TNIK: variants seen among roughly 807,000 people sequenced by gnomAD.
The protein encoded by TNIK is TRAF2 and NCK-interacting protein kinase.
In TNIK, 49 loss-of-function variants were observed where a neutral mutation model predicts 191.3. The observed-to-expected ratio is 0.26, with a 90% confidence interval of 0.20 to 0.32. TNIK has a LOEUF of 0.32. Among genes scored for constraint, TNIK ranks in the 10% least tolerant of loss-of-function variants. The probability of loss-of-function intolerance (pLI) is 1.00; values close to 1 mark genes in which losing one functional copy is unlikely to be tolerated. For missense variants in TNIK, 1,155 were observed against 1,702.3 expected (o/e 0.68, Z 5.66); for synonymous variants, 594 against 600.9 (o/e 0.99, Z 0.17).
At chr3:171,256,336 A>C (rs1484069056) in intron 2 of TNIK, among the ~76,000 whole-genome samples, 1 of 152,210 alleles carries the variant, frequency 6.6e-6, no homozygotes, top group Non-Finnish European at 1.5e-5. Flanking sequence ...TAAAATAAGG[A>C]GAAAGAGAAT....
intron 2 of TNIK, among the ~76,000 whole-genome samples, chr3:171,258,644 G>A (rs1291244006): frequency 3.9e-5 from 6 of 152,044 alleles, no homozygotes; most frequent in Non-Finnish European, 7.4e-5. Flanking sequence ...TAAAAAGGAA[G>A]CTCTTCCAAG....
chr3:171,322,808 T>G (rs1030689409), intron 2 of TNIK, among the ~76,000 whole-genome samples: 4 of 150,824 alleles, frequency 2.7e-5, no homozygotes, highest in Non-Finnish European at 5.9e-5. Flanking sequence ...TAGTGTTTTT[T>G]TTGTTGTTGT....
intron 2 of TNIK, among the ~76,000 whole-genome samples, chr3:171,360,068 C>T (rs1223508159): frequency 2.0e-5 from 3 of 152,156 alleles, no homozygotes; most frequent in Non-Finnish European, 2.9e-5. Flanking sequence ...TGGACTAAAG[C>T]ATTCTAAATA....
chr3:171,103,182 T>A (rs1723892945), intron 21 of TNIK, among the ~76,000 whole-genome samples: 5 of 152,008 alleles, frequency 3.3e-5, no homozygotes, highest in Admixed American at 3.3e-4. Context: ...TGGCTAGGGC[T>A]TTTGCACACA....
chr3:171,244,078 T>TAAAAAAAAAAAAAAAAAA, intron 2 of TNIK, among the ~76,000 whole-genome samples: 1 of 149,134 alleles, frequency 6.7e-6, no homozygotes, highest in East Asian at 1.9e-4. Context: ...TTTTTTTTTT[T>TAAAAAAAAAAAAAAAAAA]AAGACAGAGT....
At chr3:171,208,943 C>A (rs527793635) in intron 4 of TNIK, among the ~76,000 whole-genome samples, 15 of 152,280 alleles carry the variant, frequency 9.9e-5, no homozygotes, top group African/African-American at 3.6e-4. Context: ...CCGTAAGTGA[C>A]TCCCTATTGG....
intron 1 of TNIK, among the ~76,000 whole-genome samples, chr3:171,375,313 A>G (rs1717061560): frequency 6.6e-6 from 1 of 152,186 alleles, no homozygotes; most frequent in African/African-American, 2.4e-5. Flanking sequence ...TTCAGTCCGC[A>G]TTTTATAGAT....
intron 2 of TNIK, among the ~76,000 whole-genome samples, chr3:171,316,156 A>AGCACAG (rs1210182729): frequency 6.6e-6 from 1 of 152,114 alleles, no homozygotes; most frequent in Non-Finnish European, 1.5e-5. Flanking sequence ...GAAGACTGTA[A>AGCACAG]GCTCCCAGAG....
chr3:171,294,432 A>T (rs1270372697), intron 2 of TNIK, among the ~76,000 whole-genome samples: 1 of 151,998 alleles, frequency 6.6e-6, no homozygotes, highest in African/African-American at 2.4e-5. Flanking sequence ...TCCAAATAAT[A>T]ATAGTAGGCC....
intron 12 of TNIK, among the ~76,000 whole-genome samples, chr3:171,152,007 A>G (rs1732497536): frequency 6.6e-6 from 1 of 152,156 alleles, no homozygotes; most frequent in African/African-American, 2.4e-5. Flanking sequence ...GTGACCGGGC[A>G]TGGTGGTTCA....
chr3:171,403,880 T>A, intron 1 of TNIK, among the ~76,000 whole-genome samples: 1 of 152,206 alleles, frequency 6.6e-6, no homozygotes, highest in Admixed American at 6.5e-5. Flanking sequence ...GCTAACAGTG[T>A]CCAGAGGCTT....
chr3:171,097,999 C>G lies in TNIK; in HGVS notation c.2591+3450G>C, dbSNP rs187185700. Among the ~76,000 whole-genome samples, 9 of 152,288 alleles carry G rather than the reference C, an allele frequency of 5.9e-5. No individual in the cohort carries two copies. The East Asian group carries it at 1.7e-3, about 29-fold the overall frequency. ...GGAATAAATTAATAAATAGAGGAGA[C>G]AAATCTGTGCAGAAGAATTCTAAAT... On this transcript the variant is annotated intron_variant, in intron 22 of 32. Coordinates refer to ENST00000436636, the MANE Select transcript of TNIK (RefSeq NM_015028.4).
intron 18 of TNIK, among the ~76,000 whole-genome samples, chr3:171,112,781 T>G (rs912207077): frequency 1.3e-4 from 20 of 152,048 alleles, no homozygotes; most frequent in African/African-American, 4.8e-4. Context: ...ATTCTTATGC[T>G]GTGTAATAGC....
At chr3:171,194,172 C>T (rs1056841499) in intron 5 of TNIK, among the ~76,000 whole-genome samples, 3 of 152,116 alleles carry the variant, frequency 2.0e-5, no homozygotes, top group Non-Finnish European at 4.4e-5. Flanking sequence ...TAAAATATCT[C>T]ATAAAATAAT....
intron 9 of TNIK, among the ~76,000 whole-genome samples, chr3:171,171,688 CACTG>C (rs1735302203): frequency 6.6e-6 from 1 of 152,182 alleles, no homozygotes; most frequent in African/African-American, 2.4e-5. Flanking sequence ...GAAGCAGTGA[CACTG>C]AGTATACTTG....
intron 1 of TNIK, among the ~76,000 whole-genome samples, chr3:171,437,443 G>A (rs1726166175): frequency 6.6e-6 from 1 of 152,220 alleles, no homozygotes; most frequent in Admixed American, 6.5e-5. Context: ...AGCTAAAAAT[G>A]AAACGAAGAA....
At chr3:171,371,512 T>C (rs762224828) in intron 1 of TNIK, among the ~76,000 whole-genome samples, 2 of 152,210 alleles carry the variant, frequency 1.3e-5, no homozygotes, top group South Asian at 2.1e-4. Context: ...TCCATGCTCA[T>C]GTCCTGAAAA....
chr3:171,451,489 G>T (rs1183538602), intron 1 of TNIK, among the ~76,000 whole-genome samples: 1 of 152,254 alleles, frequency 6.6e-6, no homozygotes, highest in Non-Finnish European at 1.5e-5. Flanking sequence ...GAAACTGTGA[G>T]ATATAATAAA....
intron 12 of TNIK, among the ~76,000 whole-genome samples, chr3:171,144,196 A>G (rs532782775): frequency 7.4e-4 from 113 of 152,318 alleles, no homozygotes; most frequent in African/African-American, 2.7e-3. Flanking sequence ...TAAAAGTTAT[A>G]TTCCTTAAAA....
Sources: allele counts gnomAD v4.1 joint callset (sites outside exome capture counted in the v4.1 genomes callset), GRCh38; gene constraint gnomAD v4.1.1; transcripts MANE v1.5; gene names NCBI Gene and HGNC (gene_info 2026-07-23, HGNC 2026-07-21).